CEP112: variants seen among roughly 807,000 people sequenced by gnomAD.
CEP112 encodes centrosomal protein 112, also known as centrosomal protein of 112 kDa.
CEP112 carries 127 observed loss-of-function variants against 153.0 expected under a neutral mutation model. That is an observed-to-expected ratio of 0.83 (90% CI 0.72 to 0.96). The LOEUF is 0.96. Ranked by LOEUF, CEP112 falls within the 40% of genes least tolerant of loss-of-function variation. The pLI is 0.00. For missense variants in CEP112, 1,089 were observed against 1,101.2 expected (o/e 0.99, Z 0.16); for synonymous variants, 358 against 374.4 (o/e 0.96, Z 0.51).
In CEP112 at chr17:65,785,312, T is replaced by C. The variant is rs185976642; in HGVS notation, c.2395-34588A>G. On this transcript the variant is annotated intron_variant, in intron 21 of 26. Transcript: ENST00000535342. ...TACAAGTTTCTTTGGGAAATATTTT[T>C]TCAGTTCTCCTGTGTGTACTTAGGA... 3.5e-3 allele frequency among the ~76,000 whole-genome samples: 536 copies of C among 152,372 alleles called. 2 individuals carry two copies. The highest frequency in any genetic ancestry group is 0.01 in the Middle Eastern group (3 of 294).
chr17:65,853,911 C>T (rs1332141050), intron 20 of CEP112, among the ~76,000 whole-genome samples: 1 of 152,084 alleles, frequency 6.6e-6, no homozygotes, highest in Non-Finnish European at 1.5e-5. Flanking sequence ...TGTTTGATGG[C>T]AAGTTATGTA....
intron 24 of CEP112, among the ~76,000 whole-genome samples, chr17:65,668,473 A>T (rs2046809282): frequency 6.6e-6 from 1 of 152,136 alleles, no homozygotes; most frequent in African/African-American, 2.4e-5. Context: ...CCTAACTCAG[A>T]TCCCCCACCT....
intron 4 of CEP112, among the ~76,000 whole-genome samples, chr17:66,136,329 T>C (rs1160123359): frequency 6.6e-6 from 1 of 152,048 alleles, no homozygotes; most frequent in Admixed American, 6.6e-5. Context: ...GAAGCATCTG[T>C]CCAACATTCT....
intron 4 of CEP112, among the ~76,000 whole-genome samples, chr17:66,135,165 T>C (rs1286965693): frequency 1.3e-5 from 2 of 152,196 alleles, no homozygotes; most frequent in Non-Finnish European, 2.9e-5. Flanking sequence ...CGTGCTCCAA[T>C]GAAGCCCAAG....
At chr17:65,700,693 G>A (rs1158775441) in intron 23 of CEP112, among the ~76,000 whole-genome samples, 1 of 152,126 alleles carries the variant, frequency 6.6e-6, no homozygotes, top group Non-Finnish European at 1.5e-5. Flanking sequence ...CTGTAGGAAT[G>A]GGAACCACAA....
chr17:65,644,397 G>A, intron 24 of CEP112: 1 of 547,354 alleles, frequency 1.8e-6, no homozygotes, highest in South Asian at 1.7e-5. Flanking sequence ...TTCTGAAGCT[G>A]GAGATGAACT....
intron 12 of CEP112, among the ~76,000 whole-genome samples, chr17:66,052,833 G>C (rs76210454): frequency 6.6e-6 from 1 of 152,156 alleles, no homozygotes; most frequent in African/African-American, 2.4e-5. Flanking sequence ...ATGGCCAGGC[G>C]TGGTTGATCA....
At chr17:65,786,978 T>C (rs1320909385) in intron 21 of CEP112, among the ~76,000 whole-genome samples, 1 of 152,188 alleles carries the variant, frequency 6.6e-6, no homozygotes, top group African/African-American at 2.4e-5. Flanking sequence ...AAGAATATTA[T>C]GCCAAGTTTC....
At chr17:65,723,090 T>A (rs573943276) in intron 23 of CEP112, among the ~76,000 whole-genome samples, 1 of 152,350 alleles carries the variant, frequency 6.6e-6, no homozygotes, top group South Asian at 2.1e-4. Flanking sequence ...GTGCTTCAGA[T>A]GTAGAACACA....
chr17:65,850,256 C>T (rs1164627930), intron 21 of CEP112, among the ~76,000 whole-genome samples: 1 of 151,354 alleles, frequency 6.6e-6, no homozygotes, highest in Non-Finnish European at 1.5e-5. Flanking sequence ...GGAATTATCA[C>T]TAACATCCCA....
intron 18 of CEP112, among the ~76,000 whole-genome samples, chr17:65,950,483 G>A (rs766076270): frequency 2.0e-5 from 3 of 151,380 alleles, no homozygotes; most frequent in South Asian, 2.1e-4. Flanking sequence ...TATTCTTTTC[G>A]ACGTTATTAT....
At chr17:65,846,096 G>T (rs994425769) in intron 21 of CEP112, among the ~76,000 whole-genome samples, 1 of 152,136 alleles carries the variant, frequency 6.6e-6, no homozygotes, top group African/African-American at 2.4e-5. Flanking sequence ...CTCAATGATA[G>T]AAAATGAACT....
chr17:65,985,535 G>C (rs1202227833), intron 17 of CEP112, among the ~76,000 whole-genome samples: 1 of 152,154 alleles, frequency 6.6e-6, no homozygotes, highest in Non-Finnish European at 1.5e-5. Context: ...TGAACAAATG[G>C]TGCCAGGAAT....
chr17:65,851,545 G>A (rs2057932984), intron 21 of CEP112, among the ~76,000 whole-genome samples: 1 of 152,100 alleles, frequency 6.6e-6, no homozygotes, highest in South Asian at 2.1e-4. Context: ...ATTACAACGT[G>A]TATTTAATTA....
intron 4 of CEP112, among the ~76,000 whole-genome samples, chr17:66,162,776 A>G (rs920688299): frequency 6.6e-6 from 1 of 152,150 alleles, no homozygotes; most frequent in Non-Finnish European, 1.5e-5. Context: ...AGCAAGAAAG[A>G]GTTTCTGGGG....
chr17:66,180,983 G>C (rs2072695690), intron 2 of CEP112, among the ~76,000 whole-genome samples: 1 of 151,842 alleles, frequency 6.6e-6, no homozygotes, highest in Non-Finnish European at 1.5e-5. Context: ...TGAAATATTG[G>C]GAACACTTTG....
chr17:65,927,467 C>T lies in CEP112; in HGVS notation c.1980+115G>A, dbSNP rs569394651. 26 of 631,090 alleles carry T rather than the reference C, an allele frequency of 4.1e-5. No individual in the cohort carries two copies. In the African/African-American group the frequency reaches 4.6e-4, roughly 11 times the overall value. The allele number at this position is 631,090 out of a possible 1,614,324, so 39.1% of individuals were successfully genotyped here. ...AACATTATTTTAAATATATTGGTAA[C>T]AACAGCTCTTAGTAATATTTTCATT... On this transcript the variant is annotated intron_variant, in intron 19 of 26. Transcript: ENST00000535342.
Position 65,743,094 on chromosome 17 carries a change from T to C in CEP112, c.2581A>G (p.Ile861Val), listed in dbSNP as rs2051225978. ...QKFEDEKKQLIRDNDQAIKVL... is the reference protein window; with the variant it reads ...QKFEDEKKQLVRDNDQAIKVL... ...TTGATTGCTTGGTCATTATCTCTAA[T>C]CAGCTGCTTCTTCTCATCTTCAAAC... Residue 861 changes from isoleucine (I) to valine (V), a missense_variant, in exon 23 of 27, where the codon ATT becomes GTT. Coordinates refer to ENST00000535342, the MANE Select transcript of CEP112 (RefSeq NM_001199165.4). 1 of 1,611,526 alleles carries C rather than the reference T, an allele frequency of 6.2e-7. No homozygotes were observed. Among genetic ancestry groups the C allele is most frequent in the African/African-American group, 1.3e-5 (1 of 74,910 alleles).
intron 21 of CEP112, among the ~76,000 whole-genome samples, chr17:65,788,233 C>A (rs2054386431): frequency 6.6e-6 from 1 of 152,156 alleles, no homozygotes; most frequent in Non-Finnish European, 1.5e-5. Flanking sequence ...CATGAAATCA[C>A]CCTTGCATTC....
Sources: allele counts gnomAD v4.1 joint callset (sites outside exome capture counted in the v4.1 genomes callset), GRCh38; gene constraint gnomAD v4.1.1; transcripts MANE v1.5; gene names NCBI Gene and HGNC (gene_info 2026-07-23, HGNC 2026-07-21).